Variants in RPS6KC1 observed in about 807,000 individuals in gnomAD.
The protein encoded by RPS6KC1 is inactive ribosomal protein S6 kinase delta-1.
A neutral mutation model predicts 103.8 loss-of-function variants in RPS6KC1; 54 were observed. That is an observed-to-expected ratio of 0.52 (90% CI 0.42 to 0.65). The LOEUF (loss-of-function observed/expected upper bound fraction) is 0.65. RPS6KC1 is among the 30% of genes least tolerant of loss of function. The pLI is 0.00. For synonymous variants in RPS6KC1, 439 were observed against 438.7 expected (o/e 1.00, Z -0.01); for missense variants, 1,151 against 1,253.8 (o/e 0.92, Z 1.24).
chr1:213,584,520 G>A, the RPS6KC1 span, among the ~76,000 whole-genome samples: 1 of 152,150 alleles, frequency 6.6e-6, no homozygotes. Flanking sequence ...TGGATGCTCT[G>A]GTGCAGAGAA....
chr1:213,632,523 C>T, the RPS6KC1 span, among the ~76,000 whole-genome samples: 1 of 152,194 alleles, frequency 6.6e-6, no homozygotes, highest in Non-Finnish European at 1.5e-5. Context: ...GACATCCACA[C>T]CAAAACCCCA....
At chr1:213,796,640 A>C in the RPS6KC1 span, among the ~76,000 whole-genome samples, 1 of 152,126 alleles carries the variant, frequency 6.6e-6, no homozygotes, top group African/African-American at 2.4e-5. Flanking sequence ...GGACGTGAAC[A>C]TTTCCTGGAT....
the RPS6KC1 span, among the ~76,000 whole-genome samples, chr1:213,355,231 A>C: frequency 6.6e-6 from 1 of 151,952 alleles, no homozygotes; most frequent in East Asian, 1.9e-4. Context: ...AGGAAAAAAA[A>C]AAGAGAGAGA....
chr1:213,117,294 C>T, intron 4 of RPS6KC1, 23 bp from the exon 5 acceptor site: 1 of 1,384,324 alleles, frequency 7.2e-7, no homozygotes, highest in Non-Finnish European at 1.0e-6. Flanking sequence ...GCTAATGAAA[C>T]ACAATTGCTC....
At chr1:213,355,264 C>T in the RPS6KC1 span, among the ~76,000 whole-genome samples, 1 of 151,732 alleles carries the variant, frequency 6.6e-6, no homozygotes, top group African/African-American at 2.4e-5. Context: ...TTTGGAAAGC[C>T]CAAAGAAGGG....
At chr1:213,472,791 G>C in the RPS6KC1 span, among the ~76,000 whole-genome samples, 1 of 152,154 alleles carries the variant, frequency 6.6e-6, no homozygotes, top group Non-Finnish European at 1.5e-5. Flanking sequence ...GAAAACAGAA[G>C]AGCTTTATAA....
At chr1:213,712,725 C>G in the RPS6KC1 span, among the ~76,000 whole-genome samples, 2,095 of 152,308 alleles carry the variant, frequency 0.014, 43 homozygotes, top group African/African-American at 0.046. Context: ...ACCACCGTCC[C>G]TCACTGCAGG....
the RPS6KC1 span, among the ~76,000 whole-genome samples, chr1:213,852,632 A>C: frequency 6.6e-6 from 1 of 152,238 alleles, no homozygotes; most frequent in East Asian, 1.9e-4. Flanking sequence ...CCAAAACTAC[A>C]TTTCTTTATT....
the RPS6KC1 span, among the ~76,000 whole-genome samples, chr1:213,321,190 G>C: frequency 4.6e-5 from 7 of 152,254 alleles, no homozygotes; most frequent in Non-Finnish European, 8.8e-5. Context: ...TTCAGAGGGT[G>C]ATGGGCTCAA....
chr1:213,530,630 C>T, the RPS6KC1 span, among the ~76,000 whole-genome samples: 191 of 152,336 alleles, frequency 1.3e-3, no homozygotes, highest in Middle Eastern at 6.8e-3. Flanking sequence ...GCATATGGTC[C>T]TACTCTCACA....
intron 6 of RPS6KC1, among the ~76,000 whole-genome samples, chr1:213,130,184 T>G (rs1212109837): frequency 6.6e-6 from 1 of 152,210 alleles, no homozygotes; most frequent in Non-Finnish European, 1.5e-5. Context: ...TTTTCTGATT[T>G]GAAAAGGCAG....
At chr1:213,162,587 A>G (rs1328001371) in intron 6 of RPS6KC1, among the ~76,000 whole-genome samples, 1 of 152,178 alleles carries the variant, frequency 6.6e-6, no homozygotes, top group Non-Finnish European at 1.5e-5. Flanking sequence ...TTGGCCAGCA[A>G]TGTTATTTTG....
the RPS6KC1 span, among the ~76,000 whole-genome samples, chr1:213,314,671 T>G: frequency 6.6e-6 from 1 of 151,550 alleles, no homozygotes; most frequent in African/African-American, 2.4e-5. Context: ...TTTTTTTTTT[T>G]CCTTCTGGGT....
intron 8 of RPS6KC1, among the ~76,000 whole-genome samples, chr1:213,215,397 T>C (rs913802992): frequency 2.0e-5 from 3 of 152,172 alleles, no homozygotes; most frequent in African/African-American, 4.8e-5. Context: ...CAAATGTACG[T>C]CTGATTGGTG....
chr1:213,095,246 C>T (rs530232055), intron 3 of RPS6KC1, among the ~76,000 whole-genome samples: 1 of 152,176 alleles, frequency 6.6e-6, no homozygotes, highest in African/African-American at 2.4e-5. Flanking sequence ...TCCAGAGAAT[C>T]TTGACCTCTC....
the RPS6KC1 span, among the ~76,000 whole-genome samples, chr1:213,541,229 C>T: frequency 6.1e-5 from 5 of 81,442 alleles, 1 homozygote; most frequent in South Asian, 1.3e-3. Flanking sequence ...CAACATTTCG[C>T]GATTAAGTTT....
the RPS6KC1 span, among the ~76,000 whole-genome samples, chr1:213,730,918 G>A: frequency 2.0e-5 from 3 of 152,156 alleles, no homozygotes. Flanking sequence ...TTACATTTAA[G>A]TCTTTAATCC....
At chr1:213,333,130 A>T in the RPS6KC1 span, among the ~76,000 whole-genome samples, 6 of 152,330 alleles carry the variant, frequency 3.9e-5, no homozygotes, top group Middle Eastern at 3.4e-3. Context: ...CTCTTGGGCT[A>T]ATAGTTATGT....
At chr1:213,783,841 A>AAT in the RPS6KC1 span, among the ~76,000 whole-genome samples, 1 of 145,540 alleles carries the variant, frequency 6.9e-6, no homozygotes, top group Non-Finnish European at 1.5e-5. Context: ...AAAAAAAAAA[A>AAT]ATCCAAACCA....
Sources: gnomAD v4.1 joint callset for allele counts (sites outside exome capture counted in the v4.1 genomes callset) on GRCh38, gnomAD v4.1.1 for gene constraint, MANE v1.5 for transcripts, NCBI Gene and HGNC (gene_info 2026-07-23, HGNC 2026-07-21) for gene names.